IL19: variants seen among roughly 807,000 people sequenced by gnomAD.
IL19 encodes the protein interleukin 19.
Under a neutral mutation model 19.5 loss-of-function variants are expected in IL19, and 15 were observed. The ratio of observed to expected loss-of-function variants is 0.77; its 90% CI spans 0.52 to 1.19. The LOEUF (loss-of-function observed/expected upper bound fraction) is 1.19. IL19 is among the 50% of genes most tolerant of loss of function. The probability of loss-of-function intolerance (pLI) is 0.00; values close to 1 mark genes in which losing one functional copy is unlikely to be tolerated. For missense variants in IL19, 199 were observed against 213.1 expected, an observed-to-expected ratio of 0.93 and a Z score of 0.41; for synonymous variants, 78 against 78.3, an observed-to-expected ratio of 1.00 and a Z score of 0.02.
At position 206,798,859 on chromosome 1, in the gene IL19, A is replaced by G. The variant is rs532313651; in HGVS notation, c.-148-2A>G. 8 of 1,442,878 alleles carry G rather than the reference A, an allele frequency of 5.5e-6. No individual in the cohort carries two copies. Among genetic ancestry groups the G allele is most frequent in the South Asian group, 4.7e-5 (4 of 85,564 alleles). 89.4% of individuals were successfully genotyped at this position (1,442,878 alleles called of 1,614,324 possible). ...GATGACTCTCTATGATTTTCTCCAT[A>G]GAGCGGTGCTTGCACACACTGACAG... On this transcript the variant is annotated splice_acceptor_variant, in intron 1 of 6. Coordinates refer to ENST00000659997, the MANE Select transcript of IL19 (RefSeq NM_153758.5). LOFTEE classifies it low-confidence loss of function (5UTR_SPLICE).
At chr1:206,816,197 A>G (rs1356259021) in intron 2 of IL19, among the ~76,000 whole-genome samples, 1 of 152,226 alleles carries the variant, frequency 6.6e-6, no homozygotes, top group African/African-American at 2.4e-5. Flanking sequence ...GCAGGAAGAA[A>G]ATGATATCAG....
chr1:206,799,255 C>A (rs1335816990), intron 2 of IL19, among the ~76,000 whole-genome samples: 2 of 152,050 alleles, frequency 1.3e-5, no homozygotes, highest in South Asian at 2.1e-4. Flanking sequence ...GACAAATAAA[C>A]CATATCTGCA....
intron 2 of IL19, among the ~76,000 whole-genome samples, chr1:206,824,231 T>C (rs904743399): frequency 1.5e-4 from 23 of 152,234 alleles, no homozygotes; most frequent in African/African-American, 5.1e-4. Context: ...GTTCTAGCTC[T>C]AGCTGGCTGC....
intron 1 of IL19, among the ~76,000 whole-genome samples, chr1:206,790,786 G>A (rs1379112145): frequency 6.6e-6 from 1 of 152,194 alleles, no homozygotes; most frequent in East Asian, 1.9e-4. Context: ...AGCAGTTAGA[G>A]GTGCTGGAAA....
At chr1:206,837,257 G>C (rs1201418651) in intron 4 of IL19, among the ~76,000 whole-genome samples, 2 of 152,054 alleles carry the variant, frequency 1.3e-5, no homozygotes, top group Non-Finnish European at 2.9e-5. Flanking sequence ...GGGGGTGCCA[G>C]GTGCTCAGAG....
intron 2 of IL19, among the ~76,000 whole-genome samples, chr1:206,835,283 A>G (rs1406071329): frequency 3.3e-5 from 5 of 152,182 alleles, no homozygotes; most frequent in African/African-American, 9.6e-5. Context: ...GGGACTCTCT[A>G]CAAACTTCCC....
intron 2 of IL19, among the ~76,000 whole-genome samples, chr1:206,823,713 A>G (rs1398781698): frequency 6.6e-6 from 1 of 152,190 alleles, no homozygotes; most frequent in East Asian, 1.9e-4. Flanking sequence ...CTAATGGCTG[A>G]GAAAAGAAAA....
chr1:206,776,012 T>A (rs887986007), intron 1 of IL19, among the ~76,000 whole-genome samples: 6 of 151,924 alleles, frequency 3.9e-5, no homozygotes, highest in African/African-American at 1.4e-4. Flanking sequence ...TTATACTGAT[T>A]TTAAATGAAT....
In IL19 at chr1:206,795,925, ATATG is replaced by A. The variant is rs1208203528; in HGVS notation, c.-148-2934_-148-2931del. 4.8e-3 allele frequency among the ~76,000 whole-genome samples: 636 copies of A among 132,320 alleles called. 5 individuals are homozygous for A. Among genetic ancestry groups the A allele is most frequent in the Middle Eastern group, 0.021 (6 of 286 alleles). 86.8% of individuals were successfully genotyped at this position (132,320 alleles called of 152,430 possible). ...AGAAACAGAACCAATATAAATATAT[ATATG>A]TGTGTGTGTGTGTGTGTGTGTGTGT... On this transcript the variant is annotated intron_variant, in intron 1 of 6. Transcript: ENST00000659997.
At chr1:206,820,288 G>A (rs553225543) in intron 2 of IL19, among the ~76,000 whole-genome samples, 1 of 152,286 alleles carries the variant, frequency 6.6e-6, no homozygotes, top group South Asian at 2.1e-4. Flanking sequence ...CCTCCCGCTT[G>A]AGGTTGACAT....
intron 2 of IL19, among the ~76,000 whole-genome samples, chr1:206,800,883 T>C (rs1675665404): frequency 6.6e-6 from 1 of 152,162 alleles, no homozygotes; most frequent in Non-Finnish European, 1.5e-5. Context: ...TGATGTTGGC[T>C]GGGCATGAGG....
intron 2 of IL19, among the ~76,000 whole-genome samples, chr1:206,823,300 T>C (rs1387625333): frequency 6.6e-6 from 1 of 151,638 alleles, no homozygotes; most frequent in Non-Finnish European, 1.5e-5. Flanking sequence ...ACTCCTGTAA[T>C]CCCAGCACTT....
chr1:206,771,549 G>A, intron 1 of IL19: 1 of 751,572 alleles, frequency 1.3e-6, no homozygotes, highest in Non-Finnish European at 2.3e-6. Flanking sequence ...ATCAAAAGGG[G>A]AGTTTTAAAA....
At chr1:206,814,315 T>G (rs553454759) in intron 2 of IL19, among the ~76,000 whole-genome samples, 13 of 151,860 alleles carry the variant, frequency 8.6e-5, no homozygotes, top group Non-Finnish European at 1.3e-4. Flanking sequence ...AACCCAAGTA[T>G]GTAGCTTAGA....
At chr1:206,820,636 AT>A (rs1269663021) in intron 2 of IL19, among the ~76,000 whole-genome samples, 1 of 152,210 alleles carries the variant, frequency 6.6e-6, no homozygotes, top group Non-Finnish European at 1.5e-5. Context: ...AATAGCAATC[AT>A]TTATTTGCTG....
chr1:206,822,715 C>T (rs1010120714), intron 2 of IL19, among the ~76,000 whole-genome samples: 1 of 152,186 alleles, frequency 6.6e-6, no homozygotes. Context: ...TGGCCTGTCT[C>T]TCCTACTACT....
At chr1:206,833,670 CCTGGCT>C in intron 2 of IL19, 1 of 985,514 alleles carries the variant, frequency 1.0e-6, no homozygotes, top group Non-Finnish European at 1.2e-6. Flanking sequence ...GATTTCAGGT[CCTGGCT>C]CTGCCACTGG....
intron 1 of IL19, among the ~76,000 whole-genome samples, chr1:206,793,519 C>T (rs1028318209): frequency 3.3e-5 from 5 of 152,224 alleles, no homozygotes; most frequent in African/African-American, 1.2e-4. Context: ...CACCCTGCAT[C>T]GCTCAGACCT....
chr1:206,807,154 A>C (rs760275476), intron 2 of IL19, among the ~76,000 whole-genome samples: 1 of 152,156 alleles, frequency 6.6e-6, no homozygotes, highest in Admixed American at 6.5e-5. Context: ...CTCACCCACT[A>C]TTACGAGAAC....
Sources: allele counts gnomAD v4.1 joint callset (sites outside exome capture counted in the v4.1 genomes callset), GRCh38; gene constraint gnomAD v4.1.1; transcripts MANE v1.5; gene names NCBI Gene and HGNC (gene_info 2026-07-23, HGNC 2026-07-21).